The following RNLS variants were observed in gnomAD, a reference collection of about 807,000 sequenced individuals.
The protein encoded by RNLS is renalase.
RNLS carries 39 observed loss-of-function variants against 39.8 expected under a neutral mutation model. The ratio of observed to expected loss-of-function variants is 0.98; its 90% CI spans 0.76 to 1.28. The LOEUF (loss-of-function observed/expected upper bound fraction) is 1.28, where lower values mean the gene tolerates loss of function less well. RNLS is among the 50% of genes most tolerant of loss of function. The pLI is 0.00. For missense variants in RNLS, 410 were observed against 413.3 expected, an observed-to-expected ratio of 0.99 and a Z score of 0.07; for synonymous variants, 147 against 150.7, an observed-to-expected ratio of 0.98 and a Z score of 0.18.
chr10:88,492,035 A>G (rs1421292080), intron 4 of RNLS, among the ~76,000 whole-genome samples: 1 of 152,110 alleles, frequency 6.6e-6, no homozygotes, highest in East Asian at 1.9e-4. Flanking sequence ...AGAAAAATCA[A>G]AACTAGATTT....
rs1054020881 is a variant in RNLS, at chr10:88,353,968, T to C, written c.700+8584A>G. Among the ~76,000 whole-genome samples, 13 of 152,216 alleles carry C rather than the reference T, an allele frequency of 8.5e-5. No individual in the cohort carries two copies. In the East Asian group the frequency reaches 2.3e-3, roughly 27 times the overall value. ...TGATCCCTTTACCATTATGTAATGG[T>C]CTTCTTTGTCTCTTTTGATCTTTGT... On this transcript the variant is annotated intron_variant, in intron 5 of 6. Transcript: ENST00000331772.
chr10:88,269,635 A>G (rs1842595190), downstream of RNLS, among the ~76,000 whole-genome samples: 1 of 152,114 alleles, frequency 6.6e-6, no homozygotes, highest in African/African-American at 2.4e-5. Flanking sequence ...GGGGCATTTT[A>G]AAAAAGGGTT....
At chr10:88,490,270 A>C (rs1163493017) in intron 4 of RNLS, among the ~76,000 whole-genome samples, 2 of 152,206 alleles carry the variant, frequency 1.3e-5, no homozygotes, top group African/African-American at 4.8e-5. Flanking sequence ...TAAAATATCA[A>C]ATAGTCTGAG....
At chr10:88,255,846 G>C in the RNLS span, among the ~76,000 whole-genome samples, 5 of 152,142 alleles carry the variant, frequency 3.3e-5, no homozygotes, top group African/African-American at 1.2e-4. Flanking sequence ...TTTCCCCCTA[G>C]GGCAGCACAT....
chr10:88,489,304 T>C (rs957969134), intron 4 of RNLS, among the ~76,000 whole-genome samples: 4 of 152,272 alleles, frequency 2.6e-5, no homozygotes, highest in Admixed American at 2.6e-4. Context: ...CTCACTCCCA[T>C]TGCTTCTGAG....
intron 4 of RNLS, among the ~76,000 whole-genome samples, chr10:88,398,398 CAG>C (rs1852702157): frequency 6.6e-6 from 1 of 151,878 alleles, no homozygotes; most frequent in African/African-American, 2.4e-5. Flanking sequence ...GATAGTGGCC[CAG>C]AGTGTGAGAG....
At chr10:88,390,181 T>C (rs916824431) in intron 4 of RNLS, among the ~76,000 whole-genome samples, 3 of 152,216 alleles carry the variant, frequency 2.0e-5, no homozygotes, top group Non-Finnish European at 4.4e-5. Context: ...TGACCAGACT[T>C]AGTGACTCCT....
At chr10:88,328,328 G>T (rs1033009351) in intron 5 of RNLS, among the ~76,000 whole-genome samples, 3 of 152,236 alleles carry the variant, frequency 2.0e-5, no homozygotes, top group African/African-American at 7.2e-5. Context: ...TCCTGATGAT[G>T]GTAAATTTGC....
At chr10:88,567,310 G>T (rs1004751336) in intron 4 of RNLS, among the ~76,000 whole-genome samples, 4 of 152,126 alleles carry the variant, frequency 2.6e-5, no homozygotes, top group African/African-American at 7.2e-5. Flanking sequence ...TAATTAGCAA[G>T]CCCTTAAACA....
At chr10:88,223,161 C>G in the RNLS span, among the ~76,000 whole-genome samples, 1 of 152,260 alleles carries the variant, frequency 6.6e-6, no homozygotes, top group Non-Finnish European at 1.5e-5. Flanking sequence ...CAATCTCCCC[C>G]ATCCTCCTTC....
At chr10:88,274,910 T>A in exon 7 of RNLS, 8 of 1,130,684 alleles carry the variant, frequency 7.1e-6, no homozygotes, top group Non-Finnish European at 1.0e-5. Context: ...GTGGTATCCT[T>A]AAAAAAAAAA....
chr10:88,409,781 C>A (rs1853543854), intron 4 of RNLS, among the ~76,000 whole-genome samples: 2 of 152,010 alleles, frequency 1.3e-5, no homozygotes, highest in South Asian at 2.1e-4. Flanking sequence ...GTTTTAAAAT[C>A]TTTTTATTTT....
intron 4 of RNLS, among the ~76,000 whole-genome samples, chr10:88,387,592 T>A (rs1471981498): frequency 2.0e-5 from 3 of 151,756 alleles, no homozygotes; most frequent in African/African-American, 7.3e-5. Context: ...TTTACGTAAC[T>A]GCTTACAGTT....
chr10:88,452,716 G>A (rs1842427204), intron 4 of RNLS, among the ~76,000 whole-genome samples: 1 of 152,122 alleles, frequency 6.6e-6, no homozygotes, highest in African/African-American at 2.4e-5. Flanking sequence ...GTCATGTCAT[G>A]TTGCTTGAGA....
chr10:88,281,879 A>G (rs548170050), downstream of RNLS, among the ~76,000 whole-genome samples: 1 of 152,180 alleles, frequency 6.6e-6, no homozygotes, highest in African/African-American at 2.4e-5. Flanking sequence ...GGCATAGGAG[A>G]AGAGGCAGGA....
chr10:88,467,377 ACTC>A (rs1326000723), intron 4 of RNLS, among the ~76,000 whole-genome samples: 1 of 152,046 alleles, frequency 6.6e-6, no homozygotes, highest in Non-Finnish European at 1.5e-5. Context: ...GCAGGAAAGA[ACTC>A]CTGCCTGCTC....
At chr10:88,235,593 C>A in the RNLS span, among the ~76,000 whole-genome samples, 1 of 152,078 alleles carries the variant, frequency 6.6e-6, no homozygotes, top group Non-Finnish European at 1.5e-5. Flanking sequence ...TTTATACAAC[C>A]CCACTTCATC....
At chr10:88,363,597 A>T (rs1156989273) in intron 4 of RNLS, among the ~76,000 whole-genome samples, 1 of 152,090 alleles carries the variant, frequency 6.6e-6, no homozygotes, top group Non-Finnish European at 1.5e-5. Context: ...ATAGGTCCCT[A>T]CCCTACTCAT....
intron 4 of RNLS, among the ~76,000 whole-genome samples, chr10:88,498,420 C>G (rs1427983360): frequency 6.6e-6 from 1 of 150,830 alleles, no homozygotes; most frequent in Non-Finnish European, 1.5e-5. Context: ...AGGAATAGTT[C>G]TAGATTAAAG....
Sources: gnomAD v4.1 joint callset for allele counts (sites outside exome capture counted in the v4.1 genomes callset) on GRCh38, gnomAD v4.1.1 for gene constraint, MANE v1.5 for transcripts, NCBI Gene and HGNC (gene_info 2026-07-23, HGNC 2026-07-21) for gene names.